Variants in RIMBP2 observed in about 807,000 individuals in gnomAD.
RIMBP2 encodes the protein RIMS-binding protein 2.
Under a neutral mutation model 118.6 loss-of-function variants are expected in RIMBP2, and 48 were observed. That is an observed-to-expected ratio of 0.40 (90% confidence interval 0.32 to 0.51). The LOEUF is 0.51. RIMBP2 is among the 20% of genes least tolerant of loss of function. RIMBP2 has a pLI of 0.41. For missense variants in RIMBP2, 1,551 were observed against 1,768.3 expected, an observed-to-expected ratio of 0.88 and a Z score of 2.20; for synonymous variants, 762 against 742.9, an observed-to-expected ratio of 1.03 and a Z score of -0.42.
At chr12:130,545,319 G>C (rs1307316125) in intron 2 of RIMBP2, among the ~76,000 whole-genome samples, 1 of 152,088 alleles carries the variant, frequency 6.6e-6, no homozygotes, top group Non-Finnish European at 1.5e-5. Context: ...CATGAAATGT[G>C]GCTGTCTCAA....
chr12:130,582,311 T>C (rs933978380), intron 2 of RIMBP2, among the ~76,000 whole-genome samples: 4 of 152,172 alleles, frequency 2.6e-5, no homozygotes, highest in Non-Finnish European at 4.4e-5. Context: ...TAAACTAGTA[T>C]TGCACACCTG....
At position 130,688,137 on chromosome 12, in the gene RIMBP2, C is replaced by T. The variant is rs1424986672; in HGVS notation, c.-352+28085G>A. 6.6e-6 allele frequency among the ~76,000 whole-genome samples: 1 copy of T among 152,188 alleles called. No homozygotes were observed. Among genetic ancestry groups the T allele is most frequent in the Non-Finnish European group, 1.5e-5 (1 of 68,038 alleles). On this transcript the variant is annotated intron_variant, in intron 1 of 22. Transcript: ENST00000690449. The surrounding 1 kb of genome is among the most constrained non-coding windows in gnomAD (Gnocchi z 4.7). ...CGGTGACCAGGCTCTGATGCCATTC[C>T]AAGCATGGCCCCACAGCTCCCGGCC...
Position 130,445,287 on chromosome 12 carries a change from T to C in RIMBP2, c.582-18A>G, listed in dbSNP as rs751342962. Reference sequence around the variant, plus strand: ...GGTTGTAACTGCAGAGAAAACACAGTTCCTTCATTAGAGGCTCTGGAGGAC... The same window carrying C: ...GGTTGTAACTGCAGAGAAAACACAGCTCCTTCATTAGAGGCTCTGGAGGAC... On this transcript the variant is annotated intron_variant, in intron 9 of 22. Transcript: ENST00000690449. 3.8e-6 allele frequency: 6 copies of C among 1,584,482 alleles called. No homozygotes were observed. The highest frequency in any genetic ancestry group is 4.3e-6 in the Non-Finnish European group (5 of 1,158,396).
At chr12:130,496,990 T>C (rs1366775442) in intron 4 of RIMBP2, among the ~76,000 whole-genome samples, 2 of 152,166 alleles carry the variant, frequency 1.3e-5, no homozygotes, top group Non-Finnish European at 2.9e-5. Context: ...GACAGGGCCA[T>C]GTACCCTCCG....
chr12:130,593,994 T>G (rs1382538854), intron 2 of RIMBP2, among the ~76,000 whole-genome samples: 1 of 152,258 alleles, frequency 6.6e-6, no homozygotes, highest in Non-Finnish European at 1.5e-5. Context: ...ATTGTTATGA[T>G]TATTTCCAAT....
intron 1 of RIMBP2, among the ~76,000 whole-genome samples, chr12:130,701,594 G>T (rs943952026): frequency 5.3e-5 from 8 of 152,098 alleles, no homozygotes; most frequent in Non-Finnish European, 1.2e-4. Context: ...ACGTTGTAGG[G>T]GAAGGTGTCT....
At chr12:130,472,945 A>T (rs1040436853) in intron 5 of RIMBP2, among the ~76,000 whole-genome samples, 1 of 152,372 alleles carries the variant, frequency 6.6e-6, no homozygotes, top group African/African-American at 2.4e-5. Flanking sequence ...CAGCAAGAGC[A>T]ACAATAAATA....
At chr12:130,665,590 A>G (rs1229912510) in intron 1 of RIMBP2, among the ~76,000 whole-genome samples, 1 of 151,702 alleles carries the variant, frequency 6.6e-6, no homozygotes, top group Non-Finnish European at 1.5e-5. Context: ...GAAACATCAG[A>G]CAAACCCTCC....
chr12:130,577,894 G>A (rs116507967), intron 2 of RIMBP2, among the ~76,000 whole-genome samples: 1,969 of 152,182 alleles, frequency 0.013, 49 homozygotes, highest in African/African-American at 0.045. Context: ...ATATAGTAAC[G>A]TAACCTTTGT....
chr12:130,534,379 C>T (rs547893744), intron 2 of RIMBP2, among the ~76,000 whole-genome samples: 11 of 151,464 alleles, frequency 7.3e-5, no homozygotes, highest in Non-Finnish European at 1.6e-4. Flanking sequence ...TTTGGGAGGC[C>T]GAGGTGGGAG....
intron 18 of RIMBP2, among the ~76,000 whole-genome samples, 153 bp downstream of exon 18, chr12:130,413,972 C>T (rs1012342521): frequency 2.6e-5 from 4 of 152,220 alleles, no homozygotes; most frequent in East Asian, 1.9e-4. Context: ...GGGCCCTTGC[C>T]GTCACAGCAC....
chr12:130,400,369 A>G (rs1202122840), intron 21 of RIMBP2, among the ~76,000 whole-genome samples: 1 of 152,210 alleles, frequency 6.6e-6, no homozygotes, highest in African/African-American at 2.4e-5. Context: ...GTGTCTGTTG[A>G]TAACCTCCTC....
At chr12:130,462,955 C>T (rs1392018241) in intron 6 of RIMBP2, among the ~76,000 whole-genome samples, 1 of 152,246 alleles carries the variant, frequency 6.6e-6, no homozygotes, top group Admixed American at 6.5e-5. Flanking sequence ...CCTAAGAGTC[C>T]TGCCCGCCCA....
chr12:130,450,839 A>T lies in RIMBP2; in HGVS notation c.504+356T>A, dbSNP rs1199131188. ...AGCCCCTTCCCATCAATGCCACAGG[A>T]CAGGACGCGCAGGGCCCTCCCCAAC... On this transcript the variant is annotated intron_variant, in intron 8 of 22. Coordinates refer to ENST00000690449, the MANE Select transcript of RIMBP2 (RefSeq NM_001393629.1). The surrounding 1 kb of genome is among the most constrained non-coding windows in gnomAD (Gnocchi z 4.8). Among the ~76,000 whole-genome samples, 2 of 151,958 alleles carry T rather than the reference A, an allele frequency of 1.3e-5. No homozygotes were observed. The highest frequency in any genetic ancestry group is 6.6e-5 in the Admixed American group (1 of 15,256).
chr12:130,488,540 G>A (rs4759476), intron 4 of RIMBP2, among the ~76,000 whole-genome samples: 76,196 of 152,058 alleles, frequency 0.5, 21,284 homozygotes, highest in Non-Finnish European at 0.62. Flanking sequence ...ATCCTGGCAT[G>A]AGGACATACT....
At chr12:130,644,403 T>C (rs979876141) in intron 1 of RIMBP2, among the ~76,000 whole-genome samples, 3 of 152,210 alleles carry the variant, frequency 2.0e-5, no homozygotes, top group South Asian at 2.1e-4. Flanking sequence ...CTGAGACGCC[T>C]GCTGCATTTA....
At chr12:130,567,212 T>C (rs1406422746) in intron 2 of RIMBP2, among the ~76,000 whole-genome samples, 1 of 152,190 alleles carries the variant, frequency 6.6e-6, no homozygotes, top group Non-Finnish European at 1.5e-5. Flanking sequence ...ATAATCATCA[T>C]CTATGGATTC....
intron 7 of RIMBP2, among the ~76,000 whole-genome samples, chr12:130,453,642 C>T (rs988641034): frequency 2.6e-5 from 4 of 152,228 alleles, no homozygotes; most frequent in African/African-American, 7.2e-5. Flanking sequence ...AAGGCCAACT[C>T]GCAGAAGCAG....
intron 21 of RIMBP2, among the ~76,000 whole-genome samples, chr12:130,400,034 A>G (rs151333983): frequency 2.6e-5 from 4 of 152,160 alleles, no homozygotes; most frequent in Non-Finnish European, 4.4e-5. Flanking sequence ...TCTCCTGTTC[A>G]GTGAGGAGCT....
Sources: gnomAD v4.1 joint callset for allele counts (sites outside exome capture counted in the v4.1 genomes callset) on GRCh38, gnomAD v4.1.1 for gene constraint, Gnocchi (gnomAD v3.1) non-coding constraint, MANE v1.5 for transcripts, NCBI Gene and HGNC (gene_info 2026-07-23, HGNC 2026-07-21) for gene names.